The following MYMX variants were observed in gnomAD, a reference collection of about 807,000 sequenced individuals.
MYMX encodes the protein protein myomixer.
At chr6:44,205,852 T>C in the MYMX span, among the ~76,000 whole-genome samples, 2 of 151,558 alleles carry the variant, frequency 1.3e-5, no homozygotes, top group African/African-American at 2.4e-5. Flanking sequence ...TACTGGTGCA[T>C]GCCTGTAGTC....
chr6:44,205,975 TTC>T, the MYMX span, among the ~76,000 whole-genome samples: 1 of 92,188 alleles, frequency 1.1e-5, no homozygotes. Context: ...GCCAGACCCT[TTC>T]TCAAAAAAAA....
chr6:44,194,305 C>G, the MYMX span, among the ~76,000 whole-genome samples: 1 of 152,300 alleles, frequency 6.6e-6, no homozygotes, highest in African/African-American at 2.4e-5. Context: ...CCAGAACTCT[C>G]TTATTAAGAG....
rs1167003779 is a variant in MYMX at position 44,217,657 on chromosome 6, G to A, written c.186G>A (p.Ser62=). ...CLLFILSQRH[S]PDAGEASRVD... is the part of the protein sequence containing the mutation. Reference sequence around the variant, plus strand: ...TGTTCATTCTCAGCCAGCGACACTCGCCAGACGCTGGGGAGGCCTCAAGAG... The same window carrying A: ...TGTTCATTCTCAGCCAGCGACACTCACCAGACGCTGGGGAGGCCTCAAGAG... The change falls in exon 2 of 2, where the codon TCG becomes TCA. Residue 62 remains serine, a synonymous_variant. Transcript: ENST00000573382. 10 of 400,932 alleles carry A rather than the reference G, an allele frequency of 2.5e-5. No individual in the cohort carries two copies. The highest frequency in any genetic ancestry group is 4.0e-5 in the Non-Finnish European group (9 of 226,398). 24.8% of individuals were successfully genotyped at this position (400,932 alleles called of 1,614,324 possible).
the MYMX span, among the ~76,000 whole-genome samples, chr6:44,199,617 A>G: frequency 6.6e-6 from 1 of 152,112 alleles, no homozygotes; most frequent in East Asian, 1.9e-4. Flanking sequence ...GCTTCCAGAA[A>G]GACAAAAAAC....
chr6:44,195,523 A>G, the MYMX span, among the ~76,000 whole-genome samples: 10 of 151,736 alleles, frequency 6.6e-5, no homozygotes, highest in East Asian at 1.9e-4. Flanking sequence ...CTGAAGTGCA[A>G]TGGCATGATT....
the MYMX span, among the ~76,000 whole-genome samples, chr6:44,210,823 TGC>T: frequency 2.0e-5 from 3 of 152,230 alleles, no homozygotes; most frequent in Admixed American, 6.5e-5. Context: ...ATATGTCCTT[TGC>T]CACTTCAAAA....
chr6:44,208,596 C>G, the MYMX span, among the ~76,000 whole-genome samples: 148 of 152,312 alleles, frequency 9.7e-4, 1 homozygote, highest in African/African-American at 3.4e-3. Context: ...GCTCCTCCAG[C>G]TTCCCCAGAA....
At chr6:44,197,511 T>G in the MYMX span, among the ~76,000 whole-genome samples, 1 of 152,158 alleles carries the variant, frequency 6.6e-6, no homozygotes, top group Non-Finnish European at 1.5e-5. Flanking sequence ...CCAGCCTGGG[T>G]GACAGAGTGA....
At chr6:44,207,479 G>C in the MYMX span, among the ~76,000 whole-genome samples, 2 of 151,608 alleles carry the variant, frequency 1.3e-5, no homozygotes, top group Non-Finnish European at 2.9e-5. Flanking sequence ...TGAACTTTTT[G>C]GATCATAGGG....
At chr6:44,215,671 G>A (rs976898798), upstream of MYMX, among the ~76,000 whole-genome samples, 1 of 152,168 alleles carries the variant, frequency 6.6e-6, no homozygotes, top group African/African-American at 2.4e-5. Flanking sequence ...AAGACGGGTG[G>A]AGCACCTGAG....
chr6:44,195,558 C>A, the MYMX span, among the ~76,000 whole-genome samples: 1 of 151,768 alleles, frequency 6.6e-6, no homozygotes, highest in African/African-American at 2.4e-5. Flanking sequence ...CCTCAACTTT[C>A]CGGGCTCAAG....
upstream of MYMX, among the ~76,000 whole-genome samples, chr6:44,212,895 G>GCA: frequency 6.6e-6 from 1 of 151,002 alleles, no homozygotes; most frequent in Middle Eastern, 3.4e-3. Flanking sequence ...GACTGGGCAC[G>GCA]CATGCACCTG....
chr6:44,209,570 T>C, the MYMX span, among the ~76,000 whole-genome samples: 1 of 152,234 alleles, frequency 6.6e-6, no homozygotes, highest in Non-Finnish European at 1.5e-5. Flanking sequence ...CCAAGCATAA[T>C]TGTTAAGAAC....
At chr6:44,209,951 T>G in the MYMX span, 9 of 146,438 alleles carry the variant, frequency 6.1e-5, no homozygotes, top group South Asian at 1.9e-3. Flanking sequence ...ATTTTATTAT[T>G]TATTTATTTA....
chr6:44,214,499 C>G (rs115083364), upstream of MYMX, among the ~76,000 whole-genome samples: 1,208 of 152,284 alleles, frequency 7.9e-3, 10 homozygotes, highest in African/African-American at 0.027. Context: ...AGTTGCTTAA[C>G]CATCCTGATC....
chr6:44,198,539 C>T, the MYMX span, among the ~76,000 whole-genome samples: 1 of 151,858 alleles, frequency 6.6e-6, no homozygotes, highest in African/African-American at 2.4e-5. Context: ...GACAGTCTTG[C>T]TCTGTTGCCC....
chr6:44,203,852 A>C, the MYMX span, among the ~76,000 whole-genome samples: 1 of 151,600 alleles, frequency 6.6e-6, no homozygotes. Flanking sequence ...ATTTTTATTT[A>C]TTTATTTATT....
At chr6:44,208,167 A>G in the MYMX span, among the ~76,000 whole-genome samples, 1 of 151,552 alleles carries the variant, frequency 6.6e-6, no homozygotes, top group Non-Finnish European at 1.5e-5. Flanking sequence ...GGATCGCTGG[A>G]GCCCAGGAGG....
the MYMX span, among the ~76,000 whole-genome samples, chr6:44,202,193 T>G: frequency 6.6e-6 from 1 of 152,174 alleles, no homozygotes; most frequent in African/African-American, 2.4e-5. Context: ...TGGTGGCTCT[T>G]GGTGTGTCTG....
Sources: gnomAD v4.1 joint callset for allele counts (sites outside exome capture counted in the v4.1 genomes callset) on GRCh38, gnomAD v4.1.1 for gene constraint, MANE v1.5 for transcripts, NCBI Gene and HGNC (gene_info 2026-07-23, HGNC 2026-07-21) for gene names.